The following TMEM132D variants were observed in gnomAD, a reference collection of about 807,000 sequenced individuals.
TMEM132D encodes transmembrane protein 132D.
A neutral mutation model predicts 62.3 loss-of-function variants in TMEM132D; 21 were observed. The ratio of observed to expected loss-of-function variants is 0.34; its 90% confidence interval spans 0.24 to 0.49. TMEM132D has a LOEUF of 0.49. TMEM132D is among the 20% of genes least tolerant of loss of function. TMEM132D has a pLI of 0.99. For synonymous variants in TMEM132D, 621 were observed against 575.6 expected (o/e 1.08, Z -1.13); for missense variants, 1,346 against 1,402.8 (o/e 0.96, Z 0.65).
intron 1 of TMEM132D, 37 bp from the exon 2 acceptor site, chr12:129,700,735 G>A (rs1214106499): frequency 6.4e-7 from 1 of 1,553,554 alleles, no homozygotes; most frequent in Non-Finnish European, 8.7e-7. Flanking sequence ...CGTTAGTAAT[G>A]CTAAGGTCCT....
chr12:129,348,147 C>T (rs556598848), intron 3 of TMEM132D, among the ~76,000 whole-genome samples: 10 of 152,228 alleles, frequency 6.6e-5, no homozygotes, highest in Admixed American at 3.9e-4. Flanking sequence ...GACAGTGTGG[C>T]GATTCCCCAA....
At chr12:129,118,651 T>G (rs1875966775) in intron 5 of TMEM132D, among the ~76,000 whole-genome samples, 1 of 152,248 alleles carries the variant, frequency 6.6e-6, no homozygotes, top group Non-Finnish European at 1.5e-5. Flanking sequence ...TACCTGGCAC[T>G]GCTGTTTTGA....
chr12:129,463,718 T>C (rs2137041245), intron 3 of TMEM132D, among the ~76,000 whole-genome samples: 1 of 150,752 alleles, frequency 6.6e-6, no homozygotes, highest in Admixed American at 6.6e-5. Context: ...AGTGAGAACA[T>C]GCGGTGTTCG....
chr12:129,160,103 T>TA (rs1877358810), intron 5 of TMEM132D, among the ~76,000 whole-genome samples: 1 of 152,220 alleles, frequency 6.6e-6, no homozygotes, highest in Admixed American at 6.5e-5. Flanking sequence ...GCAAATCACT[T>TA]ATCTCAGTGG....
rs746600568 is a variant in TMEM132D, at chr12:129,700,237, C to T, written c.541G>A (p.Gly181Ser). The T allele has an allele frequency of 1.2e-6, 2 of 1,613,004 alleles. No homozygotes were observed. Among genetic ancestry groups the T allele is most frequent in the Non-Finnish European group, 1.7e-6 (2 of 1,179,940 alleles). ...AGGTCCCCCTGCAGCCGGCAGCTGCCCCGCACCTCTCGGGTCTCTCGGAAA... is the reference window on the plus strand; with the variant it reads ...AGGTCCCCCTGCAGCCGGCAGCTGCTCCGCACCTCTCGGGTCTCTCGGAAA... The part of the protein sequence containing the change: ...FAFRETREVR[G>S]SCRLQGDLGL... The change falls in exon 2 of 9, where the codon GGC becomes AGC. Residue 181 changes from glycine (G) to serine (S), a missense_variant. Coordinates refer to ENST00000422113, the MANE Select transcript of TMEM132D (RefSeq NM_133448.3).
In TMEM132D at chr12:129,630,957, C is replaced by G. The variant is rs1364090882; in HGVS notation, c.968+68853G>C. On this transcript the variant is annotated intron_variant, in intron 2 of 8. Transcript: ENST00000422113. The stretch of plus-strand genomic sequence containing the variant: ...CACTTGTAAGTGAGAACATAAGGTA[C>G]TTGGCTTTCTGTTTCTGCATTAAGA... Among the ~76,000 whole-genome samples the G allele has an allele frequency of 1.3e-5, 2 of 152,132 alleles. 1 individual carries two copies. Among genetic ancestry groups the G allele is most frequent in the Admixed American group, 1.3e-4 (2 of 15,272 alleles).
chr12:129,888,182 A>T (rs1874804692), intron 1 of TMEM132D, among the ~76,000 whole-genome samples: 1 of 152,198 alleles, frequency 6.6e-6, no homozygotes, highest in Admixed American at 6.5e-5. Flanking sequence ...CACAACAGTA[A>T]TTTCCATTGT....
intron 2 of TMEM132D, among the ~76,000 whole-genome samples, chr12:129,581,948 C>T (rs956002107): frequency 1.1e-4 from 16 of 152,300 alleles, no homozygotes; most frequent in Admixed American, 9.2e-4. Flanking sequence ...ACATGATTTG[C>T]AAGTCATCCC....
chr12:129,616,733 C>T (rs1052722024), intron 2 of TMEM132D, among the ~76,000 whole-genome samples: 13 of 152,180 alleles, frequency 8.5e-5, no homozygotes, highest in Non-Finnish European at 1.8e-4. Context: ...CTGAGGCCTC[C>T]CCAGCCCTGC....
At chr12:129,880,557 A>G (rs1874557942) in intron 1 of TMEM132D, among the ~76,000 whole-genome samples, 1 of 152,242 alleles carries the variant, frequency 6.6e-6, no homozygotes, top group Non-Finnish European at 1.5e-5. Flanking sequence ...GCCCAAAAAT[A>G]AAATAAATGG....
chr12:129,561,408 A>G (rs1372611935), intron 2 of TMEM132D, among the ~76,000 whole-genome samples: 1 of 152,230 alleles, frequency 6.6e-6, no homozygotes, highest in Non-Finnish European at 1.5e-5. Flanking sequence ...AATTTCATTC[A>G]TGGAACGCTA....
intron 4 of TMEM132D, among the ~76,000 whole-genome samples, chr12:129,272,106 T>A (rs749382584): frequency 6.6e-6 from 1 of 151,794 alleles, no homozygotes; most frequent in African/African-American, 2.4e-5. Flanking sequence ...TGCCAGGTAC[T>A]AAAACATCTC....
At chr12:129,435,924 T>C (rs1014726410) in intron 3 of TMEM132D, among the ~76,000 whole-genome samples, 2 of 152,202 alleles carry the variant, frequency 1.3e-5, no homozygotes, top group Non-Finnish European at 2.9e-5. Context: ...CCAGCGTCCC[T>C]TGTAGCTAGG....
At chr12:129,837,558 T>A (rs1057405832) in intron 1 of TMEM132D, among the ~76,000 whole-genome samples, 1 of 152,200 alleles carries the variant, frequency 6.6e-6, no homozygotes, top group Non-Finnish European at 1.5e-5. Context: ...ATAGAAGGAT[T>A]TATGCTTTAA....
intron 5 of TMEM132D, among the ~76,000 whole-genome samples, chr12:129,116,792 G>A (rs1875903883): frequency 6.6e-6 from 1 of 152,000 alleles, no homozygotes; most frequent in Admixed American, 6.6e-5. Flanking sequence ...ACTGCTGGTA[G>A]GAATGCAAAG....
intron 2 of TMEM132D, among the ~76,000 whole-genome samples, chr12:129,562,927 T>A (rs560636574): frequency 6.6e-6 from 1 of 152,322 alleles, no homozygotes; most frequent in South Asian, 2.1e-4. Context: ...TGTACTCCAG[T>A]AGAACTCTGT....
At chr12:129,249,732 A>T (rs1276235832) in intron 4 of TMEM132D, among the ~76,000 whole-genome samples, 2 of 152,136 alleles carry the variant, frequency 1.3e-5, no homozygotes, top group South Asian at 2.1e-4. Flanking sequence ...GAGACAGAAA[A>T]AGAGTTTAAT....
chr12:129,517,718 G>A (rs1875724171), intron 3 of TMEM132D, among the ~76,000 whole-genome samples: 1 of 152,152 alleles, frequency 6.6e-6, no homozygotes, highest in Non-Finnish European at 1.5e-5. Context: ...CCTGCCTGAG[G>A]TTTCTGATAC....
chr12:129,899,567 C>T (rs146817469), intron 1 of TMEM132D, among the ~76,000 whole-genome samples: 14 of 152,056 alleles, frequency 9.2e-5, no homozygotes, highest in Admixed American at 2.0e-4. Flanking sequence ...GGTGGAAAGA[C>T]GGATAACACC....
Sources: gnomAD v4.1 joint callset for allele counts (sites outside exome capture counted in the v4.1 genomes callset) on GRCh38, gnomAD v4.1.1 for gene constraint, MANE v1.5 for transcripts, NCBI Gene and HGNC (gene_info 2026-07-23, HGNC 2026-07-21) for gene names.